KDM4A: variants seen among roughly 807,000 people sequenced by gnomAD.
KDM4A encodes the protein lysine-specific demethylase 4A.
KDM4A carries 23 observed loss-of-function variants against 127.1 expected under a neutral mutation model. The ratio of observed to expected loss-of-function variants is 0.18; its 90% CI spans 0.13 to 0.26. The LOEUF is 0.26. Ranked by LOEUF, KDM4A falls within the 10% of genes least tolerant of loss-of-function variation. The pLI is 1.00. For synonymous variants in KDM4A, 443 were observed against 466.5 expected (o/e 0.95, Z 0.65); for missense variants, 890 against 1,329.1 (o/e 0.67, Z 5.14).
At position 43,688,360 on chromosome 1, in the gene KDM4A, G is replaced by A. The variant is rs1470265327; in HGVS notation, c.1856-554G>A. 6.6e-6 allele frequency among the ~76,000 whole-genome samples: 1 copy of A among 152,174 alleles called. No individual in the cohort carries two copies. The highest frequency in any genetic ancestry group is 1.5e-5 in the Non-Finnish European group (1 of 68,032). ...GTAGCTCTGCTCTAGGAGGGGTTGG[G>A]GAGCCTTGTCCAGAATAGGTACATA... is the stretch of plus-strand genomic sequence containing the variant. On this transcript the variant is annotated intron_variant, in intron 12 of 21. Coordinates refer to ENST00000372396, the MANE Select transcript of KDM4A (RefSeq NM_014663.3). This position sits in a 1 kb window ranked among gnomAD's most constrained non-coding sequence, Gnocchi z 4.4.
chr1:43,673,669 C>A (rs1167236864), intron 11 of KDM4A, among the ~76,000 whole-genome samples: 1 of 152,116 alleles, frequency 6.6e-6, no homozygotes, highest in Non-Finnish European at 1.5e-5. Flanking sequence ...TTCTCATTGC[C>A]TCTGATTGCA....
intron 11 of KDM4A, among the ~76,000 whole-genome samples, chr1:43,678,923 G>T (rs1374555422): frequency 6.6e-6 from 1 of 152,162 alleles, no homozygotes; most frequent in African/African-American, 2.4e-5. Flanking sequence ...CACGGTATGA[G>T]ATTTACCTGT....
rs778228042 is a variant in KDM4A at position 43,703,717 on chromosome 1, A to G, written c.2942A>G (p.His981Arg). ...TATGGAGCCAAGTTTGTGGCCTCCC[A>G]CCCTATCCAAATGTACCAGGTATCC... The part of the protein sequence containing the change: ...QVYGAKFVAS[H>R]PIQMYQVEFE... Residue 981 changes from histidine (H) to arginine (R), a missense_variant, in exon 20 of 22, where the codon CAC becomes CGC. By Grantham distance (29) the His-to-Arg change is conservative. Transcript: ENST00000372396. 2.5e-6 allele frequency: 4 copies of G among 1,614,096 alleles called. No individual in the cohort carries two copies. The Admixed American group carries it at 5.0e-5, about 20-fold the overall frequency.
At chr1:43,662,831 T>C (rs1660415307) in intron 4 of KDM4A, 63 bp from the exon 5 acceptor site, 2 of 1,418,290 alleles carry the variant, frequency 1.4e-6, no homozygotes, top group Non-Finnish European at 1.9e-6. Context: ...CTCTGATTTG[T>C]AGGTTCAGAG....
At chr1:43,652,679 CTTTTTTTT>C (rs771216218) in intron 1 of KDM4A, among the ~76,000 whole-genome samples, 1 of 118,776 alleles carries the variant, frequency 8.4e-6, no homozygotes, top group Admixed American at 9.0e-5. Context: ...TTCTTTCTTT[CTTTTTTTT>C]TTTTTTTTTT....
At chr1:43,703,410 T>G (rs2154049679) in intron 19 of KDM4A, 2 of 411,392 alleles carry the variant, frequency 4.9e-6, no homozygotes, top group South Asian at 8.2e-5. Flanking sequence ...TTTTTTTTTT[T>G]GGTCACCTAG....
At chr1:43,681,534 C>A (rs1027814244) in intron 11 of KDM4A, among the ~76,000 whole-genome samples, 14 of 152,146 alleles carry the variant, frequency 9.2e-5, no homozygotes, top group Admixed American at 9.2e-4. Context: ...GCTTGTTTAA[C>A]CTGGTTTGTT....
intron 11 of KDM4A, among the ~76,000 whole-genome samples, chr1:43,673,794 G>T (rs1473670378): frequency 6.6e-6 from 1 of 152,072 alleles, no homozygotes; most frequent in Non-Finnish European, 1.5e-5. Context: ...CAGAGGCCCC[G>T]GGCCATTTCA....
Position 43,671,884 on chromosome 1 carries a change from T to C in KDM4A, c.1734+9T>C. On this transcript the variant is annotated intron_variant, in intron 11 of 21. Transcript: ENST00000372396. The stretch of plus-strand genomic sequence containing the variant: ...AGCGGGAGCTGGCAGAGGTATGGGC[T>C]CCAGGCAGTGGTGTGGGGTGGGGAG... 2 of 1,545,804 alleles carry C rather than the reference T, an allele frequency of 1.3e-6. No individual in the cohort carries two copies. The highest frequency in any genetic ancestry group is 1.7e-6 in the Non-Finnish European group (2 of 1,144,840).
In KDM4A at chr1:43,671,696, G is replaced by T. The variant is rs764379296; in HGVS notation, c.1555G>T (p.Asp519Tyr). 1.2e-6 allele frequency: 2 copies of T among 1,613,200 alleles called. No individual in the cohort carries two copies. Among genetic ancestry groups the T allele is most frequent in the Admixed American group, 3.3e-5 (2 of 59,772 alleles). Reference sequence around the variant, plus strand: ...TAGCCTGGGCTCTGGCTCTTCACGGGATTCTATCTCTTCTGATTCAGAAAC... The same window carrying T: ...TAGCCTGGGCTCTGGCTCTTCACGGTATTCTATCTCTTCTGATTCAGAAAC... ...SSSLGSGSSR[D>Y]SISSDSETSE... The change falls in exon 11 of 22, where the codon GAT (aspartate) becomes TAT (tyrosine). Residue 519 changes from aspartate to tyrosine, a missense_variant. Around this residue, in one of 7 missense-constraint regions of KDM4A, gnomAD observed 389 missense variants for 485.9 expected, o/e 0.80. Coordinates refer to ENST00000372396, the MANE Select transcript of KDM4A (RefSeq NM_014663.3).
At position 43,691,590 on chromosome 1, in the gene KDM4A, G is replaced by A. The variant is rs780730443; in HGVS notation, c.2319+18G>A. ...TAGAGGAGGTGAGTGATCCCACACT[G>A]TTACTGTCTTCACCATGAGTCTTGG... is the stretch of plus-strand genomic sequence containing the variant. On this transcript the variant is annotated intron_variant, in intron 15 of 21. Coordinates refer to ENST00000372396, the MANE Select transcript of KDM4A (RefSeq NM_014663.3). 1.2e-6 allele frequency: 2 copies of A among 1,604,362 alleles called. No homozygotes were observed. The highest frequency in any genetic ancestry group is 2.7e-5 in the African/African-American group (2 of 74,710).
chr1:43,680,796 T>G (rs1324947306), intron 11 of KDM4A, among the ~76,000 whole-genome samples: 1 of 152,252 alleles, frequency 6.6e-6, no homozygotes, highest in African/African-American at 2.4e-5. Context: ...GGGATTACAT[T>G]GGGCCCACCT....
intron 18 of KDM4A, among the ~76,000 whole-genome samples, chr1:43,695,293 G>A (rs1329089128): frequency 6.6e-6 from 1 of 152,214 alleles, no homozygotes; most frequent in Non-Finnish European, 1.5e-5. Context: ...AGACAGTAGA[G>A]ATTTCTGCAG....
At chr1:43,655,852 T>C (rs1660224665) in intron 3 of KDM4A, 86 bp downstream of exon 3, 2 of 1,112,186 alleles carry the variant, frequency 1.8e-6, no homozygotes, top group Non-Finnish European at 2.5e-6. Flanking sequence ...GCTGCTGTCC[T>C]GATGAACAGT....
At chr1:43,675,761 T>G (rs1402565212) in intron 11 of KDM4A, among the ~76,000 whole-genome samples, 2 of 152,138 alleles carry the variant, frequency 1.3e-5, no homozygotes, top group Non-Finnish European at 2.9e-5. Context: ...AAAACTTTCA[T>G]AATTCATTCT....
At chr1:43,669,366 T>C in intron 10 of KDM4A, 67 bp downstream of exon 10, 1 of 1,474,806 alleles carries the variant, frequency 6.8e-7, no homozygotes, top group Non-Finnish European at 9.5e-7. Context: ...AGATGCCATA[T>C]TGAGTGCTGG....
intron 5 of KDM4A, among the ~76,000 whole-genome samples, chr1:43,663,425 C>A (rs1314532468): frequency 6.6e-6 from 1 of 152,140 alleles, no homozygotes; most frequent in African/African-American, 2.4e-5. Flanking sequence ...ACTAGAGTCA[C>A]TCTCTCAGAT....
At chr1:43,675,831 G>A (rs1249348839) in intron 11 of KDM4A, among the ~76,000 whole-genome samples, 1 of 152,198 alleles carries the variant, frequency 6.6e-6, no homozygotes, top group Non-Finnish European at 1.5e-5. Context: ...CTAGCAGTTT[G>A]GGAGGCTGAG....
chr1:43,665,592 A>G, intron 5 of KDM4A, 104 bp from the exon 6 acceptor site: 2 of 635,670 alleles, frequency 3.1e-6, no homozygotes. Flanking sequence ...TTGGGAAGTT[A>G]AAAAAAAAAT....
Sources: gnomAD v4.1 joint callset for allele counts (sites outside exome capture counted in the v4.1 genomes callset) on GRCh38, gnomAD v4.1.1 for gene constraint, gnomAD v4.1.1 regional missense constraint, Gnocchi (gnomAD v3.1) non-coding constraint, MANE v1.5 for transcripts, NCBI Gene and HGNC (gene_info 2026-07-23, HGNC 2026-07-21) for gene names.